ZSWIM6: variants seen among roughly 807,000 people sequenced by gnomAD.
ZSWIM6 encodes zinc finger SWIM domain-containing protein 6.
In ZSWIM6, 9 loss-of-function variants were observed where a neutral mutation model predicts 113.2. The observed-to-expected ratio is 0.08, with a 90% CI of 0.05 to 0.14. The LOEUF is 0.14. Ranked by LOEUF, ZSWIM6 falls within the 10% of genes least tolerant of loss-of-function variation. The pLI is 1.00. For missense variants in ZSWIM6, 1,162 were observed against 1,552.2 expected (o/e 0.75, Z 4.22); for synonymous variants, 611 against 606.5 (o/e 1.01, Z -0.11).
At chr5:61,394,429 T>G (rs1745798339) in intron 1 of ZSWIM6, among the ~76,000 whole-genome samples, 1 of 152,258 alleles carries the variant, frequency 6.6e-6, no homozygotes, top group Non-Finnish European at 1.5e-5. Flanking sequence ...TTGCCTGGCC[T>G]GCTAAGCAAT....
chr5:61,405,849 T>C (rs1746034014), intron 1 of ZSWIM6, among the ~76,000 whole-genome samples: 1 of 152,260 alleles, frequency 6.6e-6, no homozygotes, highest in Non-Finnish European at 1.5e-5. Context: ...CATCTTTATT[T>C]GGAAGATTAA....
At chr5:61,408,501 G>A (rs973047735) in intron 1 of ZSWIM6, among the ~76,000 whole-genome samples, 9 of 152,154 alleles carry the variant, frequency 5.9e-5, no homozygotes, top group African/African-American at 1.7e-4. Context: ...AGTTTAGGGG[G>A]AGCAAGTGCA....
chr5:61,411,561 T>G (rs1182352026), intron 1 of ZSWIM6, among the ~76,000 whole-genome samples: 1 of 152,242 alleles, frequency 6.6e-6, no homozygotes, highest in African/African-American at 2.4e-5. Flanking sequence ...TTCAATGTGT[T>G]AATCCACTCA....
chr5:61,543,320 C>A lies in ZSWIM6; in HGVS notation c.2786-135C>A. ...TTAAAGGTTTCTCACAGGCACATTACTTTACAGGATTTTCTAGCCTAGCTC... is the reference window on the plus strand; with the variant it reads ...TTAAAGGTTTCTCACAGGCACATTAATTTACAGGATTTTCTAGCCTAGCTC... On this transcript the variant is annotated intron_variant, in intron 13 of 13. Transcript: ENST00000252744. This position sits in a 1 kb window ranked among gnomAD's most constrained non-coding sequence, Gnocchi z 4.3. The A allele has an allele frequency of 9.3e-7, 1 of 1,070,670 alleles. No individual in the cohort carries two copies. The highest frequency in any genetic ancestry group is 1.3e-6 in the Non-Finnish European group (1 of 766,640). 66.3% of individuals were successfully genotyped at this position (1,070,670 alleles called of 1,614,324 possible). A position where few individuals can be genotyped will look rare whatever the true frequency, so the allele number is the denominator to read the frequency against.
intron 4 of ZSWIM6, among the ~76,000 whole-genome samples, chr5:61,499,500 C>G (rs557792551): frequency 1.3e-5 from 2 of 152,280 alleles, no homozygotes; most frequent in South Asian, 4.1e-4. Context: ...TAAATAAGAA[C>G]AGCCAAGAAT....
chr5:61,473,193 T>C (rs1281393002), intron 2 of ZSWIM6, among the ~76,000 whole-genome samples, 156 bp downstream of exon 2: 1 of 152,218 alleles, frequency 6.6e-6, no homozygotes, highest in African/African-American at 2.4e-5. Context: ...TTCTAAAACA[T>C]TTCTTTTGAA....
At chr5:61,400,991 G>A (rs981970025) in intron 1 of ZSWIM6, among the ~76,000 whole-genome samples, 2 of 152,140 alleles carry the variant, frequency 1.3e-5, no homozygotes, top group Non-Finnish European at 2.9e-5. Context: ...CTTGAACTCA[G>A]TTTGTTTTCT....
chr5:61,354,716 C>T (rs1744862709), intron 1 of ZSWIM6, among the ~76,000 whole-genome samples: 1 of 152,150 alleles, frequency 6.6e-6, no homozygotes, highest in Non-Finnish European at 1.5e-5. Flanking sequence ...AATTTAAATT[C>T]ATACATCACT....
chr5:61,410,360 A>T (rs1746129316), intron 1 of ZSWIM6, among the ~76,000 whole-genome samples: 2 of 134,646 alleles, frequency 1.5e-5, no homozygotes, highest in African/African-American at 5.8e-5. Context: ...GCCAGGCTGG[A>T]GTGCAGTGGT....
intron 1 of ZSWIM6, among the ~76,000 whole-genome samples, chr5:61,359,725 G>A (rs1744991466): frequency 6.6e-6 from 1 of 152,110 alleles, no homozygotes; most frequent in African/African-American, 2.4e-5. Flanking sequence ...TATTGATAAA[G>A]TGCTTTCTAG....
intron 1 of ZSWIM6, among the ~76,000 whole-genome samples, chr5:61,431,383 A>G (rs1164381770): frequency 6.7e-6 from 1 of 148,738 alleles, no homozygotes; most frequent in African/African-American, 2.5e-5. Context: ...AAAAAAAAAA[A>G]AAAAAAAAAA....
At chr5:61,369,464 G>A (rs1745221073) in intron 1 of ZSWIM6, among the ~76,000 whole-genome samples, 1 of 152,200 alleles carries the variant, frequency 6.6e-6, no homozygotes, top group Non-Finnish European at 1.5e-5. Flanking sequence ...TTGTAGTAAT[G>A]TATACTTTAT....
intron 1 of ZSWIM6, among the ~76,000 whole-genome samples, chr5:61,465,218 C>G (rs1383849704): frequency 6.6e-6 from 1 of 152,164 alleles, no homozygotes; most frequent in Non-Finnish European, 1.5e-5. Context: ...GAAAATAATT[C>G]AAATTCCACC....
chr5:61,543,386 A>C lies in ZSWIM6; in HGVS notation c.2786-69A>C. Reference sequence around the variant, plus strand: ...TAACAATGTAAACACTGGTTGTAAAAGTCAAAATAAGGCAGGACCTCTGGG... The same window carrying C: ...TAACAATGTAAACACTGGTTGTAAACGTCAAAATAAGGCAGGACCTCTGGG... On this transcript the variant is annotated intron_variant, in intron 13 of 13. Transcript: ENST00000252744. The surrounding 1 kb of genome is among the most constrained non-coding windows in gnomAD (Gnocchi z 4.3). The C allele has an allele frequency of 6.8e-7, 1 of 1,472,630 alleles. No homozygotes were observed. 91.2% of individuals were successfully genotyped at this position (1,472,630 alleles called of 1,614,324 possible). A position where few individuals can be genotyped will look rare whatever the true frequency, so the allele number is the denominator to read the frequency against.
At chr5:61,514,868 G>A (rs992941620) in intron 4 of ZSWIM6, among the ~76,000 whole-genome samples, 18 of 152,038 alleles carry the variant, frequency 1.2e-4, no homozygotes, top group Admixed American at 9.2e-4. Context: ...TTAGTATCAG[G>A]GTAATAATGC....
intron 4 of ZSWIM6, among the ~76,000 whole-genome samples, chr5:61,503,871 A>G (rs970565063): frequency 6.6e-6 from 1 of 152,180 alleles, no homozygotes; most frequent in Admixed American, 6.5e-5. Flanking sequence ...TGGCAAATTT[A>G]AACTAATGTC....
chr5:61,507,958 G>A (rs531687938), intron 4 of ZSWIM6, among the ~76,000 whole-genome samples: 10 of 152,222 alleles, frequency 6.6e-5, no homozygotes, highest in African/African-American at 1.7e-4. Context: ...TAGCTAGATC[G>A]AAGGTTAAAC....
chr5:61,338,963 C>A (rs1744467541), intron 1 of ZSWIM6, among the ~76,000 whole-genome samples: 1 of 152,124 alleles, frequency 6.6e-6, no homozygotes, highest in Admixed American at 6.5e-5. Flanking sequence ...TATGTCCTCA[C>A]TGATTTTTAA....
chr5:61,333,061 C>T (rs1744300968), intron 1 of ZSWIM6, 113 bp downstream of exon 1: 4 of 1,014,822 alleles, frequency 3.9e-6, no homozygotes, highest in Admixed American at 5.5e-5. Context: ...GCCCGCACCC[C>T]TGCGGGTGTC....
Sources: allele counts gnomAD v4.1 joint callset (sites outside exome capture counted in the v4.1 genomes callset), GRCh38; gene constraint gnomAD v4.1.1; non-coding constraint Gnocchi (gnomAD v3.1); transcripts MANE v1.5; gene names NCBI Gene and HGNC (gene_info 2026-07-23, HGNC 2026-07-21).